PCNX2: variants seen among roughly 807,000 people sequenced by gnomAD.
PCNX2 encodes the protein pecanex 2, also known as pecanex-like protein 2.
A neutral mutation model predicts 223.8 loss-of-function variants in PCNX2; 168 were observed. That is an observed-to-expected ratio of 0.75 (90% CI 0.66 to 0.85). The LOEUF is 0.85. Among genes scored for constraint, PCNX2 ranks in the 40% least tolerant of loss-of-function variants. The probability of loss-of-function intolerance (pLI) is 0.00; values close to 1 mark genes in which losing one functional copy is unlikely to be tolerated. For missense variants in PCNX2, 2,507 were observed against 2,675.5 expected, an observed-to-expected ratio of 0.94 and a Z score of 1.39; for synonymous variants, 1,006 against 1,052.6, an observed-to-expected ratio of 0.96 and a Z score of 0.86.
At chr1:233,138,628 A>G (rs1223320953) in intron 20 of PCNX2, among the ~76,000 whole-genome samples, 2 of 152,208 alleles carry the variant, frequency 1.3e-5, no homozygotes, top group African/African-American at 2.4e-5. Flanking sequence ...CTTAAACTGT[A>G]TAAGGGGTCT....
chr1:232,992,294 A>G (rs1669729512), intron 32 of PCNX2, among the ~76,000 whole-genome samples: 3 of 152,216 alleles, frequency 2.0e-5, no homozygotes, highest in African/African-American at 7.2e-5. Context: ...CCCTGACCAC[A>G]GTGAGAAAGT....
intron 19 of PCNX2, among the ~76,000 whole-genome samples, chr1:233,140,108 ATATATAATTTACTGAG>A (rs1677021546): frequency 6.9e-5 from 2 of 29,004 alleles, no homozygotes; most frequent in South Asian, 1.2e-3. Context: ...TGATTTCTTC[ATATATAATTTACTGAG>A]ACCAATGAAT....
At chr1:233,042,421 TAATA>T (rs1671674356) in intron 25 of PCNX2, among the ~76,000 whole-genome samples, 1 of 152,190 alleles carries the variant, frequency 6.6e-6, no homozygotes, top group Non-Finnish European at 1.5e-5. Flanking sequence ...GCTGATAGAC[TAATA>T]CTAAGGCACA....
intron 23 of PCNX2, 95 bp downstream of exon 23, chr1:233,089,966 C>T (rs1224168734): frequency 6.4e-6 from 10 of 1,566,526 alleles, no homozygotes; most frequent in Non-Finnish European, 8.6e-6. Flanking sequence ...CAGGGGGAAG[C>T]CTGGAGCCAG....
At chr1:233,202,018 T>A (rs935160589) in intron 13 of PCNX2, 40 of 348,154 alleles carry the variant, frequency 1.1e-4, no homozygotes, top group South Asian at 9.4e-4. Context: ...CTCCAAAACA[T>A]CCTGGAGGAG....
intron 28 of PCNX2, among the ~76,000 whole-genome samples, chr1:233,010,441 T>C (rs1214801332): frequency 6.6e-6 from 1 of 152,254 alleles, no homozygotes; most frequent in Non-Finnish European, 1.5e-5. Flanking sequence ...AGTCAGTAAA[T>C]TTTCTTTTAC....
In PCNX2 at chr1:233,261,390, A is replaced by G. The variant is rs541886575; in HGVS notation, c.481-69T>C. On this transcript the variant is annotated intron_variant, in intron 3 of 33. Transcript: ENST00000258229. ...ACCGTCCATTTCCAGACAGTCGGCAATAACTGACAGCAGTCACTGATTTTC... is the reference window on the plus strand; with the variant it reads ...ACCGTCCATTTCCAGACAGTCGGCAGTAACTGACAGCAGTCACTGATTTTC... The G allele has an allele frequency of 2.1e-5, 29 of 1,406,938 alleles. No homozygotes were observed. The East Asian group carries it at 6.2e-4, about 30-fold the overall frequency. The allele number at this position is 1,406,938 out of a possible 1,614,324, so 87.2% of individuals were successfully genotyped here. A position where few individuals can be genotyped will look rare whatever the true frequency, so the allele number is the denominator to read the frequency against.
At position 233,114,964 on chromosome 1, in the gene PCNX2, G is replaced by A. The variant is rs375892852; in HGVS notation, c.3838-19101C>T. Among the ~76,000 whole-genome samples, 13 of 152,112 alleles carry A rather than the reference G, an allele frequency of 8.5e-5. 1 individual carries two copies. The East Asian group carries it at 9.7e-4, about 11-fold the overall frequency. On this transcript the variant is annotated intron_variant, in intron 21 of 33. Coordinates refer to ENST00000258229, the MANE Select transcript of PCNX2 (RefSeq NM_014801.4). ...CCCTCACGGCTCTGGTAGAAGGTGG[G>A]GAAGATTAAACAATGCAAAACACAC...
At chr1:233,291,208 G>A (rs1661743115) in intron 1 of PCNX2, 1 of 503,668 alleles carries the variant, frequency 2.0e-6, no homozygotes, top group Non-Finnish European at 2.6e-6. Flanking sequence ...ACTCTCCCTG[G>A]ACCTCAGTTG....
intron 24 of PCNX2, among the ~76,000 whole-genome samples, chr1:233,056,293 TAAAAC>T (rs1672188983): frequency 6.6e-6 from 1 of 152,202 alleles, no homozygotes. Context: ...AATATTTAAA[TAAAAC>T]AAAACAATTG....
chr1:233,296,061 G>A (rs1662105707), upstream of PCNX2, among the ~76,000 whole-genome samples: 1 of 148,014 alleles, frequency 6.8e-6, no homozygotes, highest in South Asian at 2.2e-4. Context: ...TCCTGTTAGG[G>A]GACGTGCAAG....
chr1:233,259,846 G>T, intron 4 of PCNX2: 1 of 898,582 alleles, frequency 1.1e-6, no homozygotes, highest in Non-Finnish European at 1.3e-6. Context: ...CACTCCCACT[G>T]TGAAATTATT....
At chr1:233,118,439 T>C (rs1675552193) in intron 21 of PCNX2, among the ~76,000 whole-genome samples, 2 of 128,384 alleles carry the variant, frequency 1.6e-5, no homozygotes, top group Admixed American at 9.2e-5. Context: ...AATAAAATGA[T>C]CCTTACCTAC....
At chr1:233,202,170 T>C in intron 13 of PCNX2, 1 of 465,440 alleles carries the variant, frequency 2.1e-6, no homozygotes, top group East Asian at 7.0e-5. Flanking sequence ...TTCAGGAAAA[T>C]GACACTTGAA....
intron 27 of PCNX2, among the ~76,000 whole-genome samples, chr1:233,015,618 G>C (rs540491747): frequency 1.5e-4 from 23 of 152,192 alleles, no homozygotes; most frequent in African/African-American, 5.1e-4. Context: ...GCTGGAACCC[G>C]GGGGGCAGAG....
At chr1:233,273,581 C>A (rs72750090) in intron 1 of PCNX2, among the ~76,000 whole-genome samples, 3,378 of 152,012 alleles carry the variant, frequency 0.022, 61 homozygotes, top group Middle Eastern at 0.034. Context: ...CAATAGGTTT[C>A]TGCTCCATCC....
At chr1:233,314,029 C>G in the PCNX2 span, among the ~76,000 whole-genome samples, 5 of 152,194 alleles carry the variant, frequency 3.3e-5, no homozygotes, top group Non-Finnish European at 7.3e-5. Context: ...TGTATGCAGG[C>G]ACTTGTGCAA....
intron 10 of PCNX2, among the ~76,000 whole-genome samples, chr1:233,226,600 C>A (rs1657736479): frequency 6.6e-6 from 1 of 152,188 alleles, no homozygotes; most frequent in South Asian, 2.1e-4. Context: ...CTTAACTTCT[C>A]CTCCTCTTTC....
chr1:233,295,556 C>T lies in PCNX2; in HGVS notation c.-78G>A. On this transcript the variant is annotated 5_prime_UTR_variant, in exon 1 of 34. An upstream open reading frame in the 5' UTR loses its in-frame stop. Coordinates refer to ENST00000258229, the MANE Select transcript of PCNX2 (RefSeq NM_014801.4). The surrounding 1 kb of genome is among the most constrained non-coding windows in gnomAD (Gnocchi z 4.1). ...GCCGGATCTCCAGGCTCCCTCAGGTCTAACACCCGGGCCCGCGGGCCGCGC... is the reference window on the plus strand; with the variant it reads ...GCCGGATCTCCAGGCTCCCTCAGGTTTAACACCCGGGCCCGCGGGCCGCGC... 3.8e-6 allele frequency: 5 copies of T among 1,307,726 alleles called. No homozygotes were observed. Among genetic ancestry groups the T allele is most frequent in the Non-Finnish European group, 4.9e-6 (5 of 1,026,178 alleles). The allele number at this position is 1,307,726 out of a possible 1,614,324, so 81.0% of individuals were successfully genotyped here.
Sources: gnomAD v4.1 joint callset for allele counts (sites outside exome capture counted in the v4.1 genomes callset) on GRCh38, gnomAD v4.1.1 for gene constraint, Gnocchi (gnomAD v3.1) non-coding constraint, MANE v1.5 for transcripts, NCBI Gene and HGNC (gene_info 2026-07-23, HGNC 2026-07-21) for gene names.